SENP2: variants seen among roughly 807,000 people sequenced by gnomAD.
SENP2 encodes the protein sentrin-specific protease 2.
A neutral mutation model predicts 86.3 loss-of-function variants in SENP2; 16 were observed. The observed-to-expected ratio is 0.19, with a 90% CI of 0.13 to 0.28. SENP2 has a LOEUF of 0.28. Among genes scored for constraint, SENP2 ranks in the 10% least tolerant of loss-of-function variants. SENP2 has a pLI of 1.00. For synonymous variants in SENP2, 222 were observed against 238.7 expected (o/e 0.93, Z 0.64); for missense variants, 552 against 703.0 (o/e 0.79, Z 2.43).
At position 185,613,361 on chromosome 3, in the gene SENP2, A is replaced by G; in HGVS notation, c.886A>G (p.Ile296Val). Residue 296 changes from isoleucine to valine, a missense_variant, in exon 10 of 17, where the codon ATT (isoleucine) becomes GTT (valine). By Grantham distance (29) the Ile-to-Val change is conservative. Around this residue, in one of 2 missense-constraint regions of SENP2, gnomAD observed 383 missense variants for 427.3 expected, o/e 0.90. Coordinates refer to ENST00000296257, the MANE Select transcript of SENP2 (RefSeq NM_021627.3). ...RSEKRCSKGKITDTETMVGIR... is the reference protein window; with the variant it reads ...RSEKRCSKGKVTDTETMVGIR... The stretch of plus-strand genomic sequence containing the variant: ...TTTCCTTAGGTGTTCAAAGGGGAAA[A>G]TTACTGATACAGAGACGATGGTCGG... 1 of 1,595,544 alleles carries G rather than the reference A, an allele frequency of 6.3e-7. No homozygotes were observed. The highest frequency in any genetic ancestry group is 8.6e-7 in the Non-Finnish European group (1 of 1,164,962).
chr3:185,628,113 G>A (rs1712231204), intron 16 of SENP2, among the ~76,000 whole-genome samples: 1 of 152,024 alleles, frequency 6.6e-6, no homozygotes, highest in African/African-American at 2.4e-5. Context: ...CCCACCCCTA[G>A]GGAGGACATC....
chr3:185,619,452 C>G lies in SENP2; in HGVS notation c.1396C>G (p.Gln466Glu). ...GACCAAAGGGGTAAATCTCTTTGAA[C>G]AAGAAATTATTCTGGTGCCTATTCA... is the stretch of plus-strand genomic sequence containing the variant. ...RWTKGVNLFE[Q>E]EIILVPIHRK... Residue 466 changes from glutamine to glutamate, a missense_variant, in exon 13 of 17, where the codon CAA (glutamine) becomes GAA (glutamate). Gln to Glu is a conservative substitution (Grantham distance 29). Transcript: ENST00000296257. 6.2e-7 allele frequency: 1 copy of G among 1,614,076 alleles called. No individual in the cohort carries two copies. The highest frequency in any genetic ancestry group is 8.5e-7 in the Non-Finnish European group (1 of 1,179,988).
chr3:185,591,154 C>T (rs976782770), intron 2 of SENP2, among the ~76,000 whole-genome samples: 6 of 151,238 alleles, frequency 4.0e-5, no homozygotes, highest in Admixed American at 1.3e-4. Context: ...ATCTGCCCGC[C>T]TCGGCCTCCC....
intron 16 of SENP2, among the ~76,000 whole-genome samples, chr3:185,629,528 A>G (rs1181763815): frequency 2.0e-5 from 3 of 151,776 alleles, no homozygotes; most frequent in African/African-American, 4.8e-5. Flanking sequence ...CAGTGAGCAG[A>G]TCGCGCCACT....
At chr3:185,589,545 A>C (rs1245224970) in intron 1 of SENP2, among the ~76,000 whole-genome samples, 1 of 152,230 alleles carries the variant, frequency 6.6e-6, no homozygotes, top group African/African-American at 2.4e-5. Flanking sequence ...CTTTAACCAG[A>C]TGGCAAATTA....
intron 16 of SENP2, among the ~76,000 whole-genome samples, chr3:185,626,943 T>C (rs1712173421): frequency 6.6e-6 from 1 of 150,832 alleles, no homozygotes; most frequent in Non-Finnish European, 1.5e-5. Context: ...CACGTGGTGG[T>C]GCATGCCTGT....
intron 4 of SENP2, among the ~76,000 whole-genome samples, chr3:185,600,024 C>T (rs1258789989): frequency 1.3e-5 from 2 of 151,916 alleles, no homozygotes; most frequent in Non-Finnish European, 2.9e-5. Flanking sequence ...CTTGAACTCC[C>T]GACCTCAGGT....
At chr3:185,618,557 G>A (rs1224800569) in intron 12 of SENP2, among the ~76,000 whole-genome samples, 2 of 152,194 alleles carry the variant, frequency 1.3e-5, no homozygotes, top group African/African-American at 4.8e-5. Flanking sequence ...GAAAATACAG[G>A]AAAAGTAAAA....
chr3:185,611,737 CA>C lies in SENP2; in HGVS notation c.813del (p.Lys271AsnfsTer15). The C allele has an allele frequency of 1.2e-6, 2 of 1,610,892 alleles. No homozygotes were observed. The highest frequency in any genetic ancestry group is 1.7e-6 in the Non-Finnish European group (2 of 1,177,786). ...GGAGTCAAAACAACTCAGTTTGTTCCAAAACAATGTGAGTTCCCAGATTTAG... is the reference window on the plus strand; with the variant it reads ...GGAGTCAAAACAACTCAGTTTGTTCCAAACAATGTGAGTTCCCAGATTTAG... ...NHGVKTTQFV[P>X]KQYRLVETRG... is the part of the protein sequence containing the mutation. On this transcript the variant is annotated frameshift_variant, in exon 8 of 17. Coordinates refer to ENST00000296257, the MANE Select transcript of SENP2 (RefSeq NM_021627.3).
At position 185,619,516 on chromosome 3, in the gene SENP2, G is replaced by A; in HGVS notation, c.1446+14G>A. ...TGGAGCCTGGTGGTGAGTAGAGAGG[G>A]TTAATGGTTAATTGTTGGACTTGGA... is the stretch of plus-strand genomic sequence containing the variant. On this transcript the variant is annotated intron_variant, in intron 13 of 16. Transcript: ENST00000296257. 6.2e-7 allele frequency: 1 copy of A among 1,607,626 alleles called. No individual in the cohort carries two copies. Among genetic ancestry groups the A allele is most frequent in the Non-Finnish European group, 8.5e-7 (1 of 1,174,738 alleles).
At chr3:185,619,224 C>T in intron 12 of SENP2, 75 bp from the exon 13 acceptor site, 1 of 1,085,954 alleles carries the variant, frequency 9.2e-7, no homozygotes, top group African/African-American at 1.6e-5. Flanking sequence ...TCGAATTCAT[C>T]CTTATTCAGG....
chr3:185,619,240 A>G, intron 12 of SENP2, 59 bp from the exon 13 acceptor site: 1 of 1,234,452 alleles, frequency 8.1e-7, no homozygotes, highest in Middle Eastern at 1.9e-4. Context: ...TCAGGTAGAA[A>G]TTTAGTTTTG....
chr3:185,613,157 T>C (rs956975319), intron 9 of SENP2, among the ~76,000 whole-genome samples, 188 bp from the exon 10 acceptor site: 3 of 152,256 alleles, frequency 2.0e-5, no homozygotes, highest in East Asian at 1.9e-4. Context: ...CCCAAGACCA[T>C]AAAACCTGCA....
intron 6 of SENP2, among the ~76,000 whole-genome samples, chr3:185,607,936 G>C (rs1024318178): frequency 6.6e-6 from 1 of 152,228 alleles, no homozygotes; most frequent in Admixed American, 6.5e-5. Context: ...ATGATGAAGA[G>C]TCAATCTTTT....
intron 15 of SENP2, 133 bp from the exon 16 acceptor site, chr3:185,626,165 T>C (rs1712136245): frequency 1.6e-6 from 1 of 608,692 alleles, no homozygotes; most frequent in African/African-American, 1.9e-5. Flanking sequence ...TATATGACTG[T>C]GTGTTTAGGT....
chr3:185,632,921 T>G lies in SENP2; in HGVS notation c.*3077T>G, dbSNP rs1211349436. 3 of 152,242 alleles carry G rather than the reference T, an allele frequency of 2.0e-5. No individual in the cohort carries two copies. Among genetic ancestry groups the G allele is most frequent in the African/African-American group, 7.2e-5 (3 of 41,472 alleles). 9.4% of individuals were successfully genotyped at this position (152,242 alleles called of 1,614,324 possible). On this transcript the variant is annotated 3_prime_UTR_variant, in exon 17 of 17. Coordinates refer to ENST00000296257, the MANE Select transcript of SENP2 (RefSeq NM_021627.3). The stretch of plus-strand genomic sequence containing the variant: ...GTAGTCTCTTAAAAATTGATGTGGA[T>G]TTTAAAAATATACCATTGAGAACAC...
intron 11 of SENP2, among the ~76,000 whole-genome samples, chr3:185,615,523 T>C (rs1711566859): frequency 2.0e-5 from 3 of 152,090 alleles, no homozygotes; most frequent in African/African-American, 7.2e-5. Context: ...TTTGTATTTT[T>C]AGTAGAGACC....
intron 14 of SENP2, among the ~76,000 whole-genome samples, chr3:185,623,426 A>C (rs1407062869): frequency 2.0e-5 from 3 of 152,174 alleles, no homozygotes; most frequent in African/African-American, 7.2e-5. Context: ...GGCGTGAGCC[A>C]CCGCACCCGG....
intron 5 of SENP2, among the ~76,000 whole-genome samples, chr3:185,603,714 CAGTT>C (rs1722422333): frequency 6.6e-6 from 1 of 152,190 alleles, no homozygotes; most frequent in Non-Finnish European, 1.5e-5. Context: ...AGGAGATACA[CAGTT>C]AGTCAGGGGT....
Sources: allele counts gnomAD v4.1 joint callset (sites outside exome capture counted in the v4.1 genomes callset), GRCh38; gene constraint gnomAD v4.1.1; regional missense constraint gnomAD v4.1.1; transcripts MANE v1.5; gene names NCBI Gene and HGNC (gene_info 2026-07-23, HGNC 2026-07-21).